The following SORCS2 variants were observed in gnomAD, a reference collection of about 807,000 sequenced individuals.
The protein encoded by SORCS2 is VPS10 domain-containing receptor SorCS2.
A neutral mutation model predicts 141.6 loss-of-function variants in SORCS2; 100 were observed. The ratio of observed to expected loss-of-function variants is 0.71; its 90% confidence interval spans 0.60 to 0.83. The LOEUF (loss-of-function observed/expected upper bound fraction) is 0.83. SORCS2 is among the 40% of genes least tolerant of loss of function. SORCS2 has a pLI of 0.00. For synonymous variants in SORCS2, 789 were observed against 676.9 expected, an observed-to-expected ratio of 1.17 and a Z score of -2.57; for missense variants, 1,646 against 1,560.2, an observed-to-expected ratio of 1.05 and a Z score of -0.93.
At chr4:7,661,015 G>A (rs1301376104) in intron 5 of SORCS2, among the ~76,000 whole-genome samples, 1 of 152,184 alleles carries the variant, frequency 6.6e-6, no homozygotes, top group East Asian at 1.9e-4. Context: ...ATGGCTCTGG[G>A]AGAGTCATTT....
At chr4:7,224,923 A>G (rs917550066) in intron 1 of SORCS2, among the ~76,000 whole-genome samples, 4 of 152,246 alleles carry the variant, frequency 2.6e-5, no homozygotes, top group African/African-American at 9.6e-5. Context: ...CATCTGTGAC[A>G]TCTTTGCTTT....
chr4:7,252,601 G>T (rs1391975412), intron 1 of SORCS2, among the ~76,000 whole-genome samples: 1 of 152,106 alleles, frequency 6.6e-6, no homozygotes, highest in African/African-American at 2.4e-5. Context: ...ACCAGACAGC[G>T]ACTCTTTATT....
chr4:7,226,578 A>G (rs1032678234), intron 1 of SORCS2, among the ~76,000 whole-genome samples: 2 of 152,072 alleles, frequency 1.3e-5, no homozygotes, highest in Non-Finnish European at 2.9e-5. Flanking sequence ...ACACTAACAC[A>G]CGCCATGCAA....
chr4:7,322,624 G>A (rs1336976526), intron 1 of SORCS2, among the ~76,000 whole-genome samples: 1 of 152,156 alleles, frequency 6.6e-6, no homozygotes, highest in African/African-American at 2.4e-5. Context: ...CACCCTGAGA[G>A]GCCGGGACAG....
intron 3 of SORCS2, among the ~76,000 whole-genome samples, chr4:7,540,724 C>T (rs1242996350): frequency 6.6e-6 from 1 of 152,206 alleles, no homozygotes; most frequent in East Asian, 1.9e-4. Context: ...GTGGGGAGAA[C>T]AGGCTTTACG....
Position 7,501,733 on chromosome 4 carries a change from C to T in SORCS2, c.549-29797C>T, listed in dbSNP as rs372109283. Among the ~76,000 whole-genome samples the T allele has an allele frequency of 3.3e-5, 5 of 152,320 alleles. No homozygotes were observed. In the East Asian group the frequency reaches 5.8e-4, roughly 18 times the overall value. On this transcript the variant is annotated intron_variant, in intron 2 of 26. Coordinates refer to ENST00000507866, the MANE Select transcript of SORCS2 (RefSeq NM_020777.3). ...AATCGGCAGGTGTATTTTTCCTTCT[C>T]CTGCTCTCTCTTTTTAAAATGTGTC...
Position 7,733,346 on chromosome 4 carries a change from C to T in SORCS2, c.3133C>T (p.Leu1045=), listed in dbSNP as rs77094598. The change falls in exon 24 of 27, where the codon CTG becomes TTG. Residue 1045 remains leucine, a synonymous_variant. Coordinates refer to ENST00000507866, the MANE Select transcript of SORCS2 (RefSeq NM_020777.3). ...DKRLAAIQQV[L]NAQKISFLLR... ...GAGGCTCGCCGCCATCCAGCAGGTG[C>T]TGAACGCACAGAAGATCAGCTTCCT... The T allele has an allele frequency of 3.3e-3, 5,186 of 1,566,350 alleles. 83 individuals are homozygous for T. In the African/African-American group the frequency reaches 0.042, roughly 13 times the overall value.
At chr4:7,251,845 G>T (rs1713525181) in intron 1 of SORCS2, among the ~76,000 whole-genome samples, 1 of 152,180 alleles carries the variant, frequency 6.6e-6, no homozygotes, top group South Asian at 2.1e-4. Context: ...AGTCCAGGAA[G>T]CAGGTGTCTC....
intron 1 of SORCS2, among the ~76,000 whole-genome samples, chr4:7,226,761 C>T (rs535314750): frequency 6.6e-6 from 1 of 152,172 alleles, no homozygotes; most frequent in South Asian, 2.1e-4. Context: ...AGACCCTGCT[C>T]CGTTGGTGGG....
At position 7,472,728 on chromosome 4, in the gene SORCS2, G is replaced by T. The variant is rs114017989; in HGVS notation, c.549-58802G>T. Among the ~76,000 whole-genome samples the T allele has an allele frequency of 7.6e-3, 1,151 of 152,278 alleles. 18 individuals carry two copies. Among genetic ancestry groups the T allele is most frequent in the African/African-American group, 0.026 (1,090 of 41,564 alleles). On this transcript the variant is annotated intron_variant, in intron 2 of 26. Coordinates refer to ENST00000507866, the MANE Select transcript of SORCS2 (RefSeq NM_020777.3). Reference sequence around the variant, plus strand: ...CCCGCTGGCCCCATCCCATTAAGACGAGGCTCCGCTGAGACTGGTCCCCGC... The same window carrying T: ...CCCGCTGGCCCCATCCCATTAAGACTAGGCTCCGCTGAGACTGGTCCCCGC...
At chr4:7,456,202 T>C (rs753058673) in intron 2 of SORCS2, among the ~76,000 whole-genome samples, 1 of 152,194 alleles carries the variant, frequency 6.6e-6, no homozygotes, top group African/African-American at 2.4e-5. Flanking sequence ...ACTTTAAATG[T>C]CCTAGTTCCA....
At chr4:7,728,939 G>A (rs1198606566) in intron 22 of SORCS2, among the ~76,000 whole-genome samples, 1 of 152,194 alleles carries the variant, frequency 6.6e-6, no homozygotes, top group Admixed American at 6.5e-5. Flanking sequence ...AGTGAGAGAG[G>A]ACCAGTCCTC....
intron 2 of SORCS2, among the ~76,000 whole-genome samples, chr4:7,436,367 G>A (rs951495111): frequency 9.9e-5 from 15 of 152,210 alleles, no homozygotes; most frequent in African/African-American, 3.4e-4. Flanking sequence ...GCACCCACTC[G>A]CATCCCACCA....
rs555547146 is a variant in SORCS2, at chr4:7,257,769, C to T, written c.480+64643C>T. 8.1e-4 allele frequency among the ~76,000 whole-genome samples: 123 copies of T among 152,376 alleles called. 1 individual carries two copies. In the South Asian group the frequency reaches 0.024, roughly 30 times the overall value. On this transcript the variant is annotated intron_variant, in intron 1 of 26. Transcript: ENST00000507866. ...GCCTCCCCCAGCCCCTTGTCCTTCT[C>T]TGCCTGCTCTGTGCCCTGGAGGTGA... is the stretch of plus-strand genomic sequence containing the variant.
intron 1 of SORCS2, among the ~76,000 whole-genome samples, chr4:7,282,659 C>T (rs961349638): frequency 4.6e-5 from 7 of 152,176 alleles, no homozygotes; most frequent in Non-Finnish European, 7.3e-5. Context: ...GTGTCAGTCA[C>T]GCCAGTGGCT....
chr4:7,704,302 G>A lies in SORCS2; in HGVS notation c.1868+18G>A. 6.3e-7 allele frequency: 1 copy of A among 1,593,564 alleles called. No homozygotes were observed. Among genetic ancestry groups the A allele is most frequent in the Middle Eastern group, 1.7e-4 (1 of 6,012 alleles). ...GTCATGACGTGAGTGCGGGGACCGGGGAGTGGGCACTGGTGGCAGGGCAGA... is the reference window on the plus strand; with the variant it reads ...GTCATGACGTGAGTGCGGGGACCGGAGAGTGGGCACTGGTGGCAGGGCAGA... On this transcript the variant is annotated intron_variant, in intron 14 of 26. Transcript: ENST00000507866.
intron 8 of SORCS2, 92 bp downstream of exon 8, chr4:7,667,305 C>A: frequency 8.4e-7 from 1 of 1,185,746 alleles, no homozygotes; most frequent in South Asian, 1.3e-5. Flanking sequence ...AGGTGCTTGG[C>A]GGTCCCAGGT....
rs555282701 is a variant in SORCS2, at chr4:7,547,264, G to A, written c.648+15635G>A. 4.6e-5 allele frequency among the ~76,000 whole-genome samples: 7 copies of A among 152,150 alleles called. No homozygotes were observed. In the East Asian group the frequency reaches 9.7e-4, roughly 21 times the overall value. On this transcript the variant is annotated intron_variant, in intron 3 of 26. Coordinates refer to ENST00000507866, the MANE Select transcript of SORCS2 (RefSeq NM_020777.3). The stretch of plus-strand genomic sequence containing the variant: ...ACTGCTGCCAGCCCACACTACCTTC[G>A]CTACTGTCTCCTCTCACCAAGCTGA...
At chr4:7,480,197 G>A (rs983079286) in intron 2 of SORCS2, among the ~76,000 whole-genome samples, 2 of 152,230 alleles carry the variant, frequency 1.3e-5, no homozygotes, top group Non-Finnish European at 2.9e-5. Context: ...CCTGAAGCAG[G>A]GACATGTCTG....
Sources: gnomAD v4.1 joint callset for allele counts (sites outside exome capture counted in the v4.1 genomes callset) on GRCh38, gnomAD v4.1.1 for gene constraint, MANE v1.5 for transcripts, NCBI Gene and HGNC (gene_info 2026-07-23, HGNC 2026-07-21) for gene names.